Variants in PCDHA8 observed in about 807,000 individuals in gnomAD.
The protein encoded by PCDHA8 is protocadherin alpha 8.
Under a neutral mutation model 61.8 loss-of-function variants are expected in PCDHA8, and 53 were observed. That is an observed-to-expected ratio of 0.86 (90% CI 0.69 to 1.08). The LOEUF is 1.08. Ranked by LOEUF, PCDHA8 falls within the 50% of genes least tolerant of loss-of-function variation. PCDHA8 has a pLI of 0.00. For synonymous variants in PCDHA8, 618 were observed against 556.6 expected, an observed-to-expected ratio of 1.11 and a Z score of -1.55; for missense variants, 1,293 against 1,245.0, an observed-to-expected ratio of 1.04 and a Z score of -0.58.
chr5:140,874,444 T>C (rs2054916108), intron 1 of PCDHA8, among the ~76,000 whole-genome samples: 1 of 152,222 alleles, frequency 6.6e-6, no homozygotes, highest in South Asian at 2.1e-4. Context: ...TCCTAACTAC[T>C]AAATGACCTG....
At chr5:140,894,256 A>G (rs1554186008) in intron 1 of PCDHA8, among the ~76,000 whole-genome samples, 1 of 152,010 alleles carries the variant, frequency 6.6e-6, no homozygotes, top group African/African-American at 2.4e-5. Context: ...TTTTCTTTAC[A>G]AGTGGTAGCT....
intron 1 of PCDHA8, among the ~76,000 whole-genome samples, chr5:140,975,280 T>G (rs914764307): frequency 5.3e-5 from 8 of 152,252 alleles, no homozygotes; most frequent in Admixed American, 3.9e-4. Context: ...CTCTGACCTC[T>G]AGACCCAGAT....
chr5:140,886,886 T>C (rs1554182794), intron 1 of PCDHA8, among the ~76,000 whole-genome samples: 1 of 151,610 alleles, frequency 6.6e-6, no homozygotes, highest in African/African-American at 2.4e-5. Flanking sequence ...CATTCATTAA[T>C]TAAATGCATT....
chr5:140,926,349 G>A (rs1405832516), intron 1 of PCDHA8: 2 of 152,260 alleles, frequency 1.3e-5, no homozygotes, highest in Admixed American at 1.3e-4. Flanking sequence ...CCCGACGCGC[G>A]GCTCCCAAAG....
chr5:140,953,858 T>C (rs568873240), intron 1 of PCDHA8, among the ~76,000 whole-genome samples: 10 of 152,328 alleles, frequency 6.6e-5, no homozygotes, highest in African/African-American at 1.9e-4. Flanking sequence ...TGTGCCATGG[T>C]GGTTTGCTGC....
chr5:140,903,902 A>G lies in PCDHA8; in HGVS notation c.2394+60187A>G, dbSNP rs548056424. Among the ~76,000 whole-genome samples the G allele has an allele frequency of 5.9e-5, 9 of 152,370 alleles. No individual in the cohort carries two copies. The South Asian group carries it at 1.9e-3, about 32-fold the overall frequency. On this transcript the variant is annotated intron_variant, in intron 1 of 3. Transcript: ENST00000531613. ...ACATTGAATCTTGACCTGTTTGTCA[A>G]TGATGTGACTTCCTTGCTGCATTGG...
intron 1 of PCDHA8, among the ~76,000 whole-genome samples, chr5:140,935,894 CTTTTTTTT>C (rs55841305): frequency 1.5e-5 from 2 of 136,750 alleles, no homozygotes; most frequent in African/African-American, 5.4e-5. Context: ...TCAATATTAT[CTTTTTTTT>C]TTTTTTTTGA....
At chr5:140,860,913 A>G (rs1423371903) in intron 1 of PCDHA8, 5 of 152,086 alleles carry the variant, frequency 3.3e-5, no homozygotes, top group African/African-American at 9.7e-5. Flanking sequence ...AATTTTTTGT[A>G]TTTTTAGTAG....
At chr5:140,978,566 T>G (rs1554239422) in intron 1 of PCDHA8, among the ~76,000 whole-genome samples, 1 of 152,204 alleles carries the variant, frequency 6.6e-6, no homozygotes, top group East Asian at 1.9e-4. Flanking sequence ...ATAGCTGTAA[T>G]ACTGAATTGG....
chr5:140,850,347 G>T, intron 1 of PCDHA8: 9 of 1,597,856 alleles, frequency 5.6e-6, no homozygotes, highest in Non-Finnish European at 7.7e-6. Flanking sequence ...AACGGCCAGC[G>T]CGAGCATCCC....
chr5:140,938,904 C>A (rs1254151220), intron 1 of PCDHA8, among the ~76,000 whole-genome samples: 1 of 152,070 alleles, frequency 6.6e-6, no homozygotes, highest in Admixed American at 6.5e-5. Context: ...TGCGCACACA[C>A]ACACACGCAC....
Position 140,929,454 on chromosome 5 carries a change from C to T in PCDHA8, c.2395-49495C>T, listed in dbSNP as rs2086172726. ...AACTAAACACTCCTTCTTAGCACTTCCTGTGCCAAGAAATCTGGAAGTATA... is the reference window on the plus strand; with the variant it reads ...AACTAAACACTCCTTCTTAGCACTTTCTGTGCCAAGAAATCTGGAAGTATA... On this transcript the variant is annotated intron_variant, in intron 1 of 3. Transcript: ENST00000531613. 7 of 1,355,724 alleles carry T rather than the reference C, an allele frequency of 5.2e-6. No individual in the cohort carries two copies. In the Admixed American group the frequency reaches 8.0e-5, roughly 16 times the overall value. The allele number at this position is 1,355,724 out of a possible 1,614,324, so 84.0% of individuals were successfully genotyped here. A position where few individuals can be genotyped will look rare whatever the true frequency, so the allele number is the denominator to read the frequency against.
chr5:140,972,201 G>A (rs1554233905), intron 1 of PCDHA8, among the ~76,000 whole-genome samples: 1 of 152,058 alleles, frequency 6.6e-6, no homozygotes, highest in African/African-American at 2.4e-5. Flanking sequence ...GAGTATAGGT[G>A]TGAATATGGC....
In PCDHA8 at chr5:140,906,646, G is replaced by T. The variant is rs1473127161; in HGVS notation, c.2394+62931G>T. On this transcript the variant is annotated intron_variant, in intron 1 of 3. Coordinates refer to ENST00000531613, the MANE Select transcript of PCDHA8 (RefSeq NM_018911.3). ...TCAGCAAGCACCTCAGCAGGTAGTG[G>T]TTTTTTCCTGGTGTAGTGACCCAAA... Among the ~76,000 whole-genome samples the T allele has an allele frequency of 2.0e-5, 3 of 152,192 alleles. No individual in the cohort carries two copies. In the East Asian group the frequency reaches 5.8e-4, roughly 29 times the overall value.
chr5:140,982,967 T>C (rs1395576199), intron 3 of PCDHA8, among the ~76,000 whole-genome samples: 1 of 150,996 alleles, frequency 6.6e-6, no homozygotes, highest in Non-Finnish European at 1.5e-5. Flanking sequence ...CCACCCAAAG[T>C]AGTAAGGAAA....
chr5:140,871,361 G>C (rs1554165481), intron 1 of PCDHA8: 4 of 1,614,220 alleles, frequency 2.5e-6, no homozygotes, highest in South Asian at 2.2e-5. Flanking sequence ...TCGCAGCAGA[G>C]GCGGCAGAGG....
intron 1 of PCDHA8, chr5:140,882,667 C>T (rs576133039): frequency 1.2e-6 from 2 of 1,614,160 alleles, no homozygotes; most frequent in Non-Finnish European, 1.7e-6. Flanking sequence ...CGCCCATATT[C>T]CCTGAAAGCA....
intron 1 of PCDHA8, chr5:140,865,634 A>G (rs2048944722): frequency 6.6e-6 from 1 of 152,218 alleles, no homozygotes; most frequent in Non-Finnish European, 1.5e-5. Context: ...TCATGAAGGG[A>G]CTTAAATACA....
At chr5:140,894,793 T>C (rs1269028222) in intron 1 of PCDHA8, among the ~76,000 whole-genome samples, 2 of 152,170 alleles carry the variant, frequency 1.3e-5, no homozygotes, top group Non-Finnish European at 2.9e-5. Flanking sequence ...TGTCCTCTCC[T>C]TTAAAAATAA....
Sources: gnomAD v4.1 joint callset for allele counts (sites outside exome capture counted in the v4.1 genomes callset) on GRCh38, gnomAD v4.1.1 for gene constraint, MANE v1.5 for transcripts, NCBI Gene and HGNC (gene_info 2026-07-23, HGNC 2026-07-21) for gene names.